The following MYO18B variants were observed in gnomAD, a reference collection of about 807,000 sequenced individuals.
MYO18B encodes the protein myosin XVIIIB, also known as unconventional myosin-XVIIIb.
MYO18B carries 204 observed loss-of-function variants against 273.0 expected under a neutral mutation model. The ratio of observed to expected loss-of-function variants is 0.75; its 90% CI spans 0.67 to 0.84. The LOEUF is 0.84. MYO18B is among the 40% of genes least tolerant of loss of function. The pLI, the probability that MYO18B is intolerant of heterozygous loss-of-function variation, is 0.00. For synonymous variants in MYO18B, 1,330 were observed against 1,305.7 expected (o/e 1.02, Z -0.40); for missense variants, 3,212 against 3,287.6 (o/e 0.98, Z 0.56).
chr22:25,847,060 C>A (rs1380698937), intron 19 of MYO18B, among the ~76,000 whole-genome samples: 1 of 145,466 alleles, frequency 6.9e-6, no homozygotes, highest in Non-Finnish European at 1.5e-5. Context: ...AGCCTGGCAA[C>A]GGAGTGAGAC....
At chr22:25,867,621 T>TTCTTTCTC (rs1377430570) in intron 21 of MYO18B, among the ~76,000 whole-genome samples, 1 of 151,424 alleles carries the variant, frequency 6.6e-6, no homozygotes, top group Non-Finnish European at 1.5e-5. Context: ...AGACCCTGAT[T>TTCTTTCTC]TCTTTCTTTC....
rs1601551871 is a variant in MYO18B at position 25,911,132 on chromosome 22, G to A, written c.5364+82G>A. 2.0e-5 allele frequency: 20 copies of A among 1,018,254 alleles called. No individual in the cohort carries two copies. In the East Asian group the frequency reaches 4.7e-4, roughly 24 times the overall value. 63.1% of individuals were successfully genotyped at this position (1,018,254 alleles called of 1,614,324 possible). ...GATGGGCTCATGGAGAGAACAGCCT[G>A]AGGGATACCCTCTCCTCCATCAGCT... On this transcript the variant is annotated intron_variant, in intron 33 of 43. Transcript: ENST00000335473.
chr22:26,033,823 CCCTTCCT>C, downstream of MYO18B, among the ~76,000 whole-genome samples: 1 of 105,766 alleles, frequency 9.5e-6, no homozygotes, highest in South Asian at 2.4e-4. Context: ...TTCTCTTCCT[CCCTTCCT>C]TCTTTCTTTC....
chr22:26,024,633 C>T (rs1394938958), intron 42 of MYO18B, among the ~76,000 whole-genome samples: 1 of 152,224 alleles, frequency 6.6e-6, no homozygotes, highest in Non-Finnish European at 1.5e-5. Flanking sequence ...GGCAGATGAT[C>T]ACAGCCAGCT....
At chr22:25,753,945 C>T (rs986530196) in intron 1 of MYO18B, among the ~76,000 whole-genome samples, 1 of 152,186 alleles carries the variant, frequency 6.6e-6, no homozygotes, top group African/African-American at 2.4e-5. Context: ...CTTTATGTTG[C>T]CCAGGCTCTT....
chr22:25,962,906 CAGAG>C (rs1322837208), intron 39 of MYO18B, among the ~76,000 whole-genome samples: 1 of 152,160 alleles, frequency 6.6e-6, no homozygotes, highest in East Asian at 1.9e-4. Context: ...GCCGGAGAGT[CAGAG>C]AGAAACCAGT....
intron 21 of MYO18B, among the ~76,000 whole-genome samples, chr22:25,867,615 C>A (rs555035140): frequency 7.8e-6 from 1 of 128,380 alleles, no homozygotes; most frequent in African/African-American, 3.1e-5. Context: ...TCTTCAAGAC[C>A]CTGATTTCTT....
intron 1 of MYO18B, among the ~76,000 whole-genome samples, chr22:25,758,017 CGTTT>C (rs1430858684): frequency 6.6e-6 from 1 of 152,036 alleles, no homozygotes; most frequent in Non-Finnish European, 1.5e-5. Flanking sequence ...TTTGTTTGTT[CGTTT>C]GTTTGTTTTT....
At chr22:26,028,435 G>C (rs1018738020) in intron 43 of MYO18B, 4 of 152,168 alleles carry the variant, frequency 2.6e-5, no homozygotes, top group Non-Finnish European at 5.9e-5. Flanking sequence ...CTTCAGAATA[G>C]TGGAGTCCAC....
rs547934194 is a variant in MYO18B, at chr22:25,788,430, T to C, written c.2376+2939T>C. ...TTCAGATAAACATTGAATAATGTTT[T>C]AGTATAAGCATGTCCCAAATATTGC... On this transcript the variant is annotated intron_variant, in intron 11 of 43. Transcript: ENST00000335473. 2.2e-4 allele frequency among the ~76,000 whole-genome samples: 34 copies of C among 152,288 alleles called. No individual in the cohort carries two copies. The South Asian group carries it at 7.0e-3, about 32-fold the overall frequency.
chr22:25,854,292 A>G (rs1218792934), intron 21 of MYO18B, among the ~76,000 whole-genome samples: 1 of 152,226 alleles, frequency 6.6e-6, no homozygotes, highest in Admixed American at 6.5e-5. Flanking sequence ...ACAGATGCAT[A>G]AACTCTCATT....
chr22:25,974,748 G>A (rs564101611), intron 39 of MYO18B, among the ~76,000 whole-genome samples: 12 of 152,310 alleles, frequency 7.9e-5, no homozygotes, highest in African/African-American at 2.4e-4. Context: ...GTCCCACCAA[G>A]CACTTGGATT....
chr22:25,844,267 A>T (rs6004793), intron 18 of MYO18B, among the ~76,000 whole-genome samples: 2 of 152,138 alleles, frequency 1.3e-5, no homozygotes. Context: ...GTAGCGTTAA[A>T]AAAAAGCTCA....
intron 1 of MYO18B, among the ~76,000 whole-genome samples, chr22:25,753,499 A>G (rs558061135): frequency 6.6e-6 from 1 of 152,286 alleles, no homozygotes; most frequent in East Asian, 1.9e-4. Flanking sequence ...GCAGGCTGCC[A>G]GCACCAGCAC....
At chr22:25,801,568 G>A (rs1287571232) in intron 12 of MYO18B, among the ~76,000 whole-genome samples, 1 of 152,204 alleles carries the variant, frequency 6.6e-6, no homozygotes, top group African/African-American at 2.4e-5. Context: ...CTTGGCTCCT[G>A]GCGGGGTGTT....
the MYO18B span, among the ~76,000 whole-genome samples, chr22:26,061,235 G>A: frequency 6.6e-6 from 1 of 152,108 alleles, no homozygotes; most frequent in African/African-American, 2.4e-5. Flanking sequence ...AAATTCCTCA[G>A]CCCTTCCATC....
chr22:26,002,426 T>A (rs995517845), intron 40 of MYO18B, among the ~76,000 whole-genome samples: 1 of 152,136 alleles, frequency 6.6e-6, no homozygotes, highest in Non-Finnish European at 1.5e-5. Flanking sequence ...GACAAATGCA[T>A]GTAAATAGAA....
intron 28 of MYO18B, chr22:25,897,022 T>G (rs1475310574): frequency 6.6e-6 from 1 of 152,234 alleles, no homozygotes; most frequent in African/African-American, 2.4e-5. Flanking sequence ...GTGCTATTTC[T>G]TCTTCCCCGA....
chr22:25,794,731 CCT>C (rs1281273987), intron 11 of MYO18B, among the ~76,000 whole-genome samples: 6 of 152,108 alleles, frequency 3.9e-5, no homozygotes, highest in Non-Finnish European at 7.4e-5. Context: ...GTCACGATCT[CCT>C]GACCTCATGA....
Sources: gnomAD v4.1 joint callset for allele counts (sites outside exome capture counted in the v4.1 genomes callset) on GRCh38, gnomAD v4.1.1 for gene constraint, MANE v1.5 for transcripts, NCBI Gene and HGNC (gene_info 2026-07-23, HGNC 2026-07-21) for gene names.